OPRM1: variants seen among roughly 807,000 people sequenced by gnomAD.
OPRM1 encodes the protein opioid receptor mu 1.
Under a neutral mutation model 31.8 loss-of-function variants are expected in OPRM1, and 27 were observed. The observed-to-expected ratio is 0.85, with a 90% CI of 0.63 to 1.17. OPRM1 has a LOEUF of 1.17. Ranked by LOEUF, OPRM1 falls within the 50% of genes most tolerant of loss-of-function variation. The pLI is 0.00. For missense variants in OPRM1, 536 were observed against 511.1 expected, an observed-to-expected ratio of 1.05 and a Z score of -0.47; for synonymous variants, 196 against 189.9, an observed-to-expected ratio of 1.03 and a Z score of -0.26.
chr6:154,239,203 T>C (rs6935927), intron 3 of OPRM1, among the ~76,000 whole-genome samples: 65,079 of 151,980 alleles, frequency 0.43, 14,554 homozygotes, highest in Admixed American at 0.56. Context: ...GAAAATAATA[T>C]TGGCAACATG....
intron 1 of OPRM1, among the ~76,000 whole-genome samples, chr6:154,052,061 G>A (rs1206243669): frequency 6.6e-6 from 1 of 152,176 alleles, no homozygotes; most frequent in African/African-American, 2.4e-5. Context: ...ATCATCCTCA[G>A]CAAGCTGACA....
Position 154,086,443 on chromosome 6 carries a change from G to T in OPRM1, c.291-3383G>T, listed in dbSNP as rs1351099320. 3 of 369,504 alleles carry T rather than the reference G, an allele frequency of 8.1e-6. No homozygotes were observed. The South Asian group carries it at 3.3e-4, about 41-fold the overall frequency. 22.9% of individuals were successfully genotyped at this position (369,504 alleles called of 1,614,324 possible). On this transcript the variant is annotated intron_variant, in intron 1 of 3. Coordinates refer to ENST00000330432, the MANE Select transcript of OPRM1 (RefSeq NM_000914.5). ...ATTCACTTTTTTTTGGTAAATTGAT[G>T]ATAAAATTATGTATATTTACCATAT...
Position 154,039,586 on chromosome 6 carries a change from T to C in OPRM1, c.42T>C (p.Thr14=). ...SAAPTNASNC[T]DALAYSSCSP... ...CCCCCACGAACGCCAGCAATTGCACTGATGCCTTGGCGTACTCAAGTTGCT... is the reference window on the plus strand; with the variant it reads ...CCCCCACGAACGCCAGCAATTGCACCGATGCCTTGGCGTACTCAAGTTGCT... The change falls in exon 1 of 4, where the codon ACT becomes ACC. Residue 14 remains threonine (T), a synonymous_variant. Transcript: ENST00000330432. 6.2e-7 allele frequency: 1 copy of C among 1,613,772 alleles called. No homozygotes were observed. Among genetic ancestry groups the C allele is most frequent in the Non-Finnish European group, 8.5e-7 (1 of 1,179,834 alleles).
chr6:154,054,904 A>G (rs944509491), intron 1 of OPRM1, among the ~76,000 whole-genome samples: 6 of 152,246 alleles, frequency 3.9e-5, no homozygotes, highest in Admixed American at 6.5e-5. Flanking sequence ...ATTTAAATTA[A>G]AAAACTTGAA....
At chr6:154,232,699 C>G (rs529486612) in intron 3 of OPRM1, among the ~76,000 whole-genome samples, 13 of 152,178 alleles carry the variant, frequency 8.5e-5, no homozygotes, top group Non-Finnish European at 1.8e-4. Flanking sequence ...ATTAATGTCT[C>G]GATGTAAGCC....
intron 3 of OPRM1, among the ~76,000 whole-genome samples, chr6:154,094,747 G>C (rs1372834075): frequency 1.3e-5 from 2 of 152,196 alleles, no homozygotes; most frequent in African/African-American, 4.8e-5. Flanking sequence ...CAACTCTGTG[G>C]TTTTATAGGT....
chr6:154,245,603 T>C (rs1008887439), intron 3 of OPRM1, among the ~76,000 whole-genome samples: 1 of 152,240 alleles, frequency 6.6e-6, no homozygotes, highest in African/African-American at 2.4e-5. Context: ...TTGAATGACA[T>C]GCATGCCCAC....
chr6:154,062,903 TA>T (rs1182106703), intron 1 of OPRM1, among the ~76,000 whole-genome samples: 1 of 152,010 alleles, frequency 6.6e-6, no homozygotes, highest in Non-Finnish European at 1.5e-5. Flanking sequence ...TTATAGACCT[TA>T]ATTAAATCTC....
At chr6:154,204,881 C>T (rs1268143776) in intron 3 of OPRM1, among the ~76,000 whole-genome samples, 1 of 152,152 alleles carries the variant, frequency 6.6e-6, no homozygotes, top group African/African-American at 2.4e-5. Flanking sequence ...CCACATGAAC[C>T]CCTAAGGACT....
At chr6:154,083,831 C>G (rs1789762670) in intron 1 of OPRM1, 1 of 151,162 alleles carries the variant, frequency 6.6e-6, no homozygotes, top group Non-Finnish European at 1.5e-5. Flanking sequence ...GTAGTCCCAG[C>G]TACTCGGAAG....
rs1170788018 is a variant in OPRM1 at position 154,122,029 on chromosome 6, T to C, written c.*3308T>C. On this transcript the variant is annotated 3_prime_UTR_variant, in exon 4 of 4. Transcript: ENST00000330432. ...GATGGCACTAGAAATTTCTCCAGCTTACGCCATGAATACTGCAGAAGCTGA... is the reference window on the plus strand; with the variant it reads ...GATGGCACTAGAAATTTCTCCAGCTCACGCCATGAATACTGCAGAAGCTGA... Among the ~76,000 whole-genome samples, 1 of 152,214 alleles carries C rather than the reference T, an allele frequency of 6.6e-6. No individual in the cohort carries two copies. The highest frequency in any genetic ancestry group is 1.5e-5 in the Non-Finnish European group (1 of 68,034).
At chr6:154,081,880 C>G (rs1481943747) in intron 1 of OPRM1, among the ~76,000 whole-genome samples, 1 of 152,196 alleles carries the variant, frequency 6.6e-6, no homozygotes, top group East Asian at 1.9e-4. Context: ...CCTTCACCAT[C>G]AAGCAAAGGT....
At chr6:154,110,803 C>T (rs1358719823) in intron 3 of OPRM1, among the ~76,000 whole-genome samples, 2 of 147,914 alleles carry the variant, frequency 1.4e-5, no homozygotes, top group Non-Finnish European at 3.0e-5. Flanking sequence ...AGGAGAATGG[C>T]GTGAACCCGT....
intron 3 of OPRM1, among the ~76,000 whole-genome samples, chr6:154,204,911 C>T (rs1777364718): frequency 6.6e-6 from 1 of 152,158 alleles, no homozygotes; most frequent in African/African-American, 2.4e-5. Flanking sequence ...GCATCTCCTC[C>T]CTCCTTCTCC....
chr6:154,145,609 T>A (rs182242726), intron 3 of OPRM1, among the ~76,000 whole-genome samples: 4 of 152,332 alleles, frequency 2.6e-5, no homozygotes, highest in Admixed American at 2.6e-4. Flanking sequence ...CAGCAATGGG[T>A]TTTGTAGATG....
intron 3 of OPRM1, among the ~76,000 whole-genome samples, chr6:154,215,261 AC>A (rs1324951014): frequency 6.6e-6 from 1 of 151,396 alleles, no homozygotes; most frequent in African/African-American, 2.4e-5. Flanking sequence ...TCCTTACGCA[AC>A]CCTCAACCTG....
intron 3 of OPRM1, among the ~76,000 whole-genome samples, chr6:154,115,378 A>C (rs1796754028): frequency 6.6e-6 from 1 of 152,164 alleles, no homozygotes; most frequent in Admixed American, 6.5e-5. Flanking sequence ...CGTCTCTACC[A>C]AAAATACAAA....
chr6:154,059,211 A>G (rs1431765803), intron 1 of OPRM1, among the ~76,000 whole-genome samples: 2 of 152,078 alleles, frequency 1.3e-5, no homozygotes, highest in Non-Finnish European at 2.9e-5. Context: ...AACCCTGCAG[A>G]TTTTCCTTCA....
chr6:154,118,938 G>C lies in OPRM1; in HGVS notation c.*217G>C, dbSNP rs200587105. The C allele has an allele frequency of 7.7e-7, 1 of 1,304,810 alleles. No individual in the cohort carries two copies. The highest frequency in any genetic ancestry group is 2.9e-5 in the East Asian group (1 of 33,970). 80.8% of individuals were successfully genotyped at this position (1,304,810 alleles called of 1,614,324 possible). ...TGGAAGGAAAGGAATATACCACACC[G>C]AGGAGTCCAGTTTGTGCAAGACACC... On this transcript the variant is annotated 3_prime_UTR_variant, in exon 4 of 4. Transcript: ENST00000330432.
Sources: allele counts gnomAD v4.1 joint callset (sites outside exome capture counted in the v4.1 genomes callset), GRCh38; gene constraint gnomAD v4.1.1; transcripts MANE v1.5; gene names NCBI Gene and HGNC (gene_info 2026-07-23, HGNC 2026-07-21).